The following CDH18 variants were observed in gnomAD, a reference collection of about 807,000 sequenced individuals.
CDH18 encodes the protein cadherin-18.
A neutral mutation model predicts 67.9 loss-of-function variants in CDH18; 31 were observed. The ratio of observed to expected loss-of-function variants is 0.46; its 90% CI spans 0.34 to 0.62. CDH18 has a LOEUF of 0.62. Ranked by LOEUF, CDH18 falls within the 20% of genes least tolerant of loss-of-function variation. The pLI, the probability that CDH18 is intolerant of heterozygous loss-of-function variation, is 0.01. For missense variants in CDH18, 890 were observed against 975.5 expected (o/e 0.91, Z 1.17); for synonymous variants, 362 against 347.2 (o/e 1.04, Z -0.48).
intron 2 of CDH18, among the ~76,000 whole-genome samples, chr5:20,103,491 C>T (rs375279995): frequency 2.0e-5 from 3 of 149,846 alleles, no homozygotes; most frequent in East Asian, 2.0e-4. Context: ...TTTGGGAGAC[C>T]GAGGCAGGGA....
intron 2 of CDH18, among the ~76,000 whole-genome samples, chr5:20,177,979 A>G (rs1030354466): frequency 6.6e-6 from 1 of 152,118 alleles, no homozygotes; most frequent in Admixed American, 6.6e-5. Context: ...AGTCTTCGGT[A>G]TGTCTTTATC....
intron 2 of CDH18, among the ~76,000 whole-genome samples, chr5:19,978,452 T>C (rs1052371362): frequency 6.6e-6 from 1 of 152,142 alleles, no homozygotes; most frequent in African/African-American, 2.4e-5. Context: ...GCTGTTTATA[T>C]ATATGCAGGA....
At chr5:20,093,340 T>C (rs925977226) in intron 2 of CDH18, among the ~76,000 whole-genome samples, 1 of 137,438 alleles carries the variant, frequency 7.3e-6, no homozygotes, top group Non-Finnish European at 1.6e-5. Context: ...AGTTAAACAA[T>C]AACTCCTCCT....
At chr5:19,510,890 C>CA (rs1489115513) in intron 10 of CDH18, among the ~76,000 whole-genome samples, 1 of 151,616 alleles carries the variant, frequency 6.6e-6, no homozygotes, top group Non-Finnish European at 1.5e-5. Flanking sequence ...CAGCTCACTA[C>CA]AACTTACGCC....
chr5:20,355,879 T>A lies in CDH18; in HGVS notation c.-579-100374A>T, dbSNP rs553597092. Among the ~76,000 whole-genome samples, 477 of 152,316 alleles carry A rather than the reference T, an allele frequency of 3.1e-3. 7 individuals carry two copies. The highest frequency in any genetic ancestry group is 0.011 in the African/African-American group (452 of 41,570). Reference sequence around the variant, plus strand: ...GAAGCACAAGAGTCACATATTATTGTCAATTATTCACAGACCAAATTAACT... The same window carrying A: ...GAAGCACAAGAGTCACATATTATTGACAATTATTCACAGACCAAATTAACT... On this transcript the variant is annotated intron_variant, in intron 1 of 14. Coordinates refer to the CDH18 transcript ENST00000507958.
intron 5 of CDH18, among the ~76,000 whole-genome samples, chr5:19,704,946 T>TTTACTTTTCTAATA (rs778144422): frequency 1.4e-4 from 22 of 152,202 alleles, no homozygotes; most frequent in Non-Finnish European, 3.2e-4. Flanking sequence ...TTTAAAAGAC[T>TTTACTTTTCTAATA]GTTTCTTTAC....
At chr5:19,823,617 C>T (rs1341426238) in intron 3 of CDH18, among the ~76,000 whole-genome samples, 2 of 152,084 alleles carry the variant, frequency 1.3e-5, no homozygotes, top group Non-Finnish European at 2.9e-5. Context: ...GACTTAGCCA[C>T]AATAAAATAG....
intron 1 of CDH18, among the ~76,000 whole-genome samples, chr5:20,566,352 TTC>T (rs935511028): frequency 7.1e-6 from 1 of 140,582 alleles, no homozygotes; most frequent in African/African-American, 2.9e-5. Flanking sequence ...TTGATTTTTT[TTC>T]TTTTTCTTTT....
intron 1 of CDH18, among the ~76,000 whole-genome samples, chr5:20,382,042 A>G (rs1186023338): frequency 2.6e-5 from 4 of 152,174 alleles, no homozygotes; most frequent in African/African-American, 9.6e-5. Context: ...AAGCTGTGCT[A>G]AAATAAAATA....
At chr5:20,501,433 A>AT (rs1754243010) in intron 1 of CDH18, among the ~76,000 whole-genome samples, 1 of 124,750 alleles carries the variant, frequency 8.0e-6, no homozygotes, top group Non-Finnish European at 1.7e-5. Flanking sequence ...TTATATATAT[A>AT]TTTTATATAC....
intron 2 of CDH18, among the ~76,000 whole-genome samples, chr5:20,189,094 C>T (rs961082515): frequency 6.6e-6 from 1 of 151,944 alleles, no homozygotes; most frequent in Non-Finnish European, 1.5e-5. Context: ...TGCCTTTCAT[C>T]GCTACTCCAC....
chr5:20,196,300 C>T (rs74584358), intron 2 of CDH18, among the ~76,000 whole-genome samples: 5,915 of 152,140 alleles, frequency 0.039, 145 homozygotes, highest in East Asian at 0.072. Context: ...AATATATATA[C>T]TTTTAAAACT....
intron 4 of CDH18, among the ~76,000 whole-genome samples, chr5:19,728,775 A>G (rs1255598331): frequency 1.3e-5 from 2 of 152,168 alleles, no homozygotes; most frequent in African/African-American, 2.4e-5. Flanking sequence ...TTTGAGTAAA[A>G]ATAAGCTGGA....
intron 8 of CDH18, among the ~76,000 whole-genome samples, chr5:19,563,401 T>G (rs1739797002): frequency 6.6e-6 from 1 of 152,114 alleles, no homozygotes; most frequent in South Asian, 2.1e-4. Context: ...ATATATAAGG[T>G]CCATGGCCAA....
At chr5:20,419,462 GT>G (rs202130030) in intron 1 of CDH18, among the ~76,000 whole-genome samples, 369 of 75,420 alleles carry the variant, frequency 4.9e-3, no homozygotes, top group Non-Finnish European at 6.1e-3. Flanking sequence ...ATGGGACTCT[GT>G]TTTTTTTTTT....
At chr5:20,172,195 T>TATATATATAC in intron 2 of CDH18, among the ~76,000 whole-genome samples, 1 of 46,888 alleles carries the variant, frequency 2.1e-5, no homozygotes, top group East Asian at 8.0e-4. Flanking sequence ...TGTGTGTATA[T>TATATATATAC]ATATATATAT....
At chr5:19,564,177 C>G (rs1411033121) in intron 8 of CDH18, among the ~76,000 whole-genome samples, 2 of 152,030 alleles carry the variant, frequency 1.3e-5, no homozygotes, top group African/African-American at 4.8e-5. Context: ...CCTGAGTAAG[C>G]CTTGGTGATG....
intron 2 of CDH18, among the ~76,000 whole-genome samples, chr5:20,127,806 C>A (rs1378033811): frequency 1.3e-5 from 2 of 151,978 alleles, no homozygotes; most frequent in African/African-American, 4.8e-5. Context: ...GTATTATATA[C>A]CTAGAAAAGC....
At chr5:19,647,712 A>T (rs1444526053) in intron 5 of CDH18, among the ~76,000 whole-genome samples, 2 of 151,882 alleles carry the variant, frequency 1.3e-5, no homozygotes, top group Non-Finnish European at 2.9e-5. Context: ...GAAAACCTAG[A>T]TCAGCTCTGC....
Sources: allele counts gnomAD v4.1 joint callset (sites outside exome capture counted in the v4.1 genomes callset), GRCh38; gene constraint gnomAD v4.1.1; transcripts MANE v1.5; gene names NCBI Gene and HGNC (gene_info 2026-07-23, HGNC 2026-07-21).